Variants in WDR74 observed in about 807,000 individuals in gnomAD.
The protein encoded by WDR74 is WD repeat-containing protein 74.
Under a neutral mutation model 45.6 loss-of-function variants are expected in WDR74, and 31 were observed. That is an observed-to-expected ratio of 0.68 (90% CI 0.51 to 0.92). The LOEUF is 0.92. Ranked by LOEUF, WDR74 falls within the 40% of genes least tolerant of loss-of-function variation. The pLI, the probability that WDR74 is intolerant of heterozygous loss-of-function variation, is 0.00. For synonymous variants in WDR74, 191 were observed against 192.4 expected, an observed-to-expected ratio of 0.99 and a Z score of 0.06; for missense variants, 455 against 497.2, an observed-to-expected ratio of 0.92 and a Z score of 0.81.
chr11:62,839,840 G>C (rs961290483), upstream of WDR74: 2 of 523,150 alleles, frequency 3.8e-6, no homozygotes, highest in Non-Finnish European at 6.8e-6. Flanking sequence ...TCTGTCTCCC[G>C]GCTCCATTAT....
chr11:62,833,083 T>C lies in WDR74; in HGVS notation c.1027A>G (p.Thr343Ala). 1 of 1,612,564 alleles carries C rather than the reference T, an allele frequency of 6.2e-7. No individual in the cohort carries two copies. Among genetic ancestry groups the C allele is most frequent in the African/African-American group, 1.3e-5 (1 of 74,924 alleles). Residue 343 changes from threonine (T) to alanine (A), a missense_variant, in exon 11 of 11, where the codon ACA (threonine) becomes GCA (alanine). Thr to Ala is a moderately conservative substitution (Grantham distance 58). Coordinates refer to ENST00000278856, the MANE Select transcript of WDR74 (RefSeq NM_001369450.1). Reference protein sequence around the residue: ...QEPNKVPLEDTETDELWASLE... With the variant: ...QEPNKVPLEDAETDELWASLE... ...GATGCCCAAAGTTCATCTGTCTCTGTGTCTTCTAGGGGCACCTTGTTGGGT... is the reference window on the plus strand; with the variant it reads ...GATGCCCAAAGTTCATCTGTCTCTGCGTCTTCTAGGGGCACCTTGTTGGGT...
chr11:62,841,472 T>C (rs868007683), upstream of WDR74: 1 of 152,180 alleles, frequency 6.6e-6, no homozygotes, highest in Non-Finnish European at 1.5e-5. Flanking sequence ...CAAAACCTTC[T>C]CTCAACAAGA....
At chr11:62,836,194 C>G in intron 3 of WDR74, 158 bp from the exon 4 acceptor site, 1 of 729,208 alleles carries the variant, frequency 1.4e-6, no homozygotes, top group Non-Finnish European at 2.3e-6. Context: ...AGATTCCCTA[C>G]TAACAGTCCA....
chr11:62,841,416 G>C (rs915815184), upstream of WDR74, among the ~76,000 whole-genome samples: 22 of 151,406 alleles, frequency 1.5e-4, 1 homozygote, highest in African/African-American at 5.1e-4. Context: ...TATGAAGATT[G>C]CTGAAGACCA....
At chr11:62,834,980 C>T (rs936923130) in intron 6 of WDR74, 13 of 216,572 alleles carry the variant, frequency 6.0e-5, no homozygotes, top group Non-Finnish European at 1.0e-4. Context: ...CCCAGCCCCG[C>T]CCGTGTCTCA....
At chr11:62,841,748 AG>A (rs1311102349), upstream of WDR74, 1 of 152,218 alleles carries the variant, frequency 6.6e-6, no homozygotes, top group Non-Finnish European at 1.5e-5. Context: ...AGGACGTATC[AG>A]ATATTAAACT....
chr11:62,841,672 G>C (rs568576572), upstream of WDR74: 9 of 152,154 alleles, frequency 5.9e-5, no homozygotes, highest in South Asian at 2.1e-4. Context: ...GCGTGGAGTG[G>C]ACGGAGCAAG....
chr11:62,833,357 A>G (rs535031618), intron 10 of WDR74, among the ~76,000 whole-genome samples: 4 of 151,366 alleles, frequency 2.6e-5, no homozygotes, highest in African/African-American at 9.7e-5. Flanking sequence ...ACAAACCCAC[A>G]GGGAAGGAGA....
chr11:62,834,704 T>C (rs1185042860), intron 6 of WDR74, 177 bp from the exon 7 acceptor site: 4 of 620,176 alleles, frequency 6.4e-6, no homozygotes, highest in African/African-American at 1.8e-5. Context: ...GAGAGCTGCT[T>C]AGCAGCATAA....
chr11:62,841,689 T>TA (rs1004933810), upstream of WDR74: 5 of 152,050 alleles, frequency 3.3e-5, no homozygotes, highest in Admixed American at 1.3e-4. Flanking sequence ...CAAGCTCCTA[T>TA]TCCATCTCCT....
At chr11:62,833,446 G>T in intron 10 of WDR74, 172 bp downstream of exon 10, 1 of 809,084 alleles carries the variant, frequency 1.2e-6, no homozygotes, top group Non-Finnish European at 1.9e-6. Flanking sequence ...CCATGCTGTT[G>T]GCAATAACCC....
upstream of WDR74, among the ~76,000 whole-genome samples, chr11:62,840,913 G>C (rs909506957): frequency 2.6e-5 from 4 of 152,178 alleles, no homozygotes; most frequent in Non-Finnish European, 5.9e-5. Context: ...GGCCGGGCGC[G>C]GTGGCTCACG....
intron 4 of WDR74, 30 bp downstream of exon 4, chr11:62,835,931 C>A (rs1362921691): frequency 5.0e-6 from 8 of 1,585,576 alleles, no homozygotes; most frequent in Non-Finnish European, 6.9e-6. Flanking sequence ...CAGCCCACCT[C>A]CCCCAACCAT....
At chr11:62,841,499 A>C (rs1394980370), upstream of WDR74, 1 of 152,196 alleles carries the variant, frequency 6.6e-6, no homozygotes. Context: ...AACACGCGTC[A>C]TTCAACACAC....
At chr11:62,833,296 T>TAAAAAAAAA (rs1048706100) in intron 10 of WDR74, among the ~76,000 whole-genome samples, 165 bp from the exon 11 acceptor site, 8 of 50,858 alleles carry the variant, frequency 1.6e-4, no homozygotes, top group Admixed American at 4.8e-4. Context: ...AAAAGAAGTT[T>TAAAAAAAAA]AAAAAAAAAA....
chr11:62,835,359 C>G, intron 6 of WDR74, 72 bp downstream of exon 6: 1 of 1,430,112 alleles, frequency 7.0e-7, no homozygotes, highest in South Asian at 1.2e-5. Context: ...GCAGTTGTGT[C>G]AAACCGTGGG....
At chr11:62,834,732 G>T in intron 6 of WDR74, 1 of 562,298 alleles carries the variant, frequency 1.8e-6, no homozygotes, top group Non-Finnish European at 3.2e-6. Flanking sequence ...GAGCTGAGGG[G>T]AGAGGTCCCC....
chr11:62,841,723 A>AT (rs1237621611), upstream of WDR74: 1 of 152,190 alleles, frequency 6.6e-6, no homozygotes, highest in Admixed American at 6.5e-5. Context: ...CATTTAATAT[A>AT]TTGTCCTCGG....
chr11:62,841,425 C>G (rs975064820), upstream of WDR74: 9 of 152,128 alleles, frequency 5.9e-5, no homozygotes, highest in African/African-American at 2.2e-4. Flanking sequence ...TGCTGAAGAC[C>G]ACATGGAGAT....
Sources: allele counts gnomAD v4.1 joint callset (sites outside exome capture counted in the v4.1 genomes callset), GRCh38; gene constraint gnomAD v4.1.1; transcripts MANE v1.5; gene names NCBI Gene and HGNC (gene_info 2026-07-23, HGNC 2026-07-21).